The following BAZ2B variants were observed in gnomAD, a reference collection of about 807,000 sequenced individuals.
BAZ2B encodes the protein bromodomain adjacent to zinc finger domain 2B.
Under a neutral mutation model 246.0 loss-of-function variants are expected in BAZ2B, and 91 were observed. That is an observed-to-expected ratio of 0.37 (90% CI 0.31 to 0.44). The LOEUF (loss-of-function observed/expected upper bound fraction) is 0.44, where lower values mean the gene tolerates loss of function less well. Among genes scored for constraint, BAZ2B ranks in the 20% least tolerant of loss-of-function variants. The probability of loss-of-function intolerance (pLI) is 1.00; values close to 1 mark genes in which losing one functional copy is unlikely to be tolerated. For synonymous variants in BAZ2B, 855 were observed against 860.0 expected (o/e 0.99, Z 0.10); for missense variants, 2,332 against 2,533.7 (o/e 0.92, Z 1.71).
chr2:159,322,477 C>T (rs1429228349), intron 36 of BAZ2B, among the ~76,000 whole-genome samples: 1 of 152,168 alleles, frequency 6.6e-6, no homozygotes. Flanking sequence ...TTATCTATTC[C>T]AGATACTTCA....
chr2:159,694,977 ATTT>A, the BAZ2B span: 4 of 152,058 alleles, frequency 2.6e-5, no homozygotes, highest in African/African-American at 9.7e-5. Context: ...CCTCATCAAC[ATTT>A]TTTACTGTCT....
At chr2:159,630,021 C>A in the BAZ2B span, among the ~76,000 whole-genome samples, 1 of 151,966 alleles carries the variant, frequency 6.6e-6, no homozygotes, top group Non-Finnish European at 1.5e-5. Flanking sequence ...TTTAAAAAAA[C>A]ATGGTTACCT....
chr2:159,552,163 G>GT (rs2088355509), intron 2 of BAZ2B, among the ~76,000 whole-genome samples: 1 of 152,044 alleles, frequency 6.6e-6, no homozygotes, highest in African/African-American at 2.4e-5. Flanking sequence ...GTTCATTTTG[G>GT]TTTTTTAAGA....
intron 1 of BAZ2B, among the ~76,000 whole-genome samples, chr2:159,570,398 G>T (rs542606596): frequency 2.0e-4 from 30 of 152,176 alleles, no homozygotes; most frequent in Admixed American, 1.9e-3. Flanking sequence ...GGCCAGGCTG[G>T]TCTCAAACTC....
At chr2:159,483,618 A>C (rs1035874378) in intron 2 of BAZ2B, among the ~76,000 whole-genome samples, 6 of 152,064 alleles carry the variant, frequency 3.9e-5, no homozygotes, top group African/African-American at 1.4e-4. Flanking sequence ...CTCTACTAAA[A>C]ATACAAAAAT....
At chr2:159,642,198 AGATT>A in the BAZ2B span, among the ~76,000 whole-genome samples, 1 of 150,056 alleles carries the variant, frequency 6.7e-6, no homozygotes, top group Non-Finnish European at 1.5e-5. Context: ...TGTTTTCCAT[AGATT>A]GATTGTTTTC....
intron 2 of BAZ2B, among the ~76,000 whole-genome samples, chr2:159,509,205 TC>T (rs2082651576): frequency 6.6e-6 from 1 of 152,124 alleles, no homozygotes; most frequent in Non-Finnish European, 1.5e-5. Context: ...GGAAACACTT[TC>T]CAGTCAGATA....
chr2:159,587,809 T>C (rs7587700), intron 1 of BAZ2B, among the ~76,000 whole-genome samples: 83,949 of 152,026 alleles, frequency 0.55, 23,939 homozygotes, highest in East Asian at 0.75. Context: ...TCTCTGTAGT[T>C]CCAGCACCTA....
chr2:159,678,729 T>C, the BAZ2B span, among the ~76,000 whole-genome samples: 1 of 152,238 alleles, frequency 6.6e-6, no homozygotes, highest in South Asian at 2.1e-4. Flanking sequence ...TCTGTAAACA[T>C]AAAAACATAT....
intron 2 of BAZ2B, among the ~76,000 whole-genome samples, chr2:159,545,129 C>T (rs1263727678): frequency 2.6e-5 from 4 of 152,194 alleles, no homozygotes; most frequent in Non-Finnish European, 5.9e-5. Flanking sequence ...GGCACTGTAA[C>T]TTTAGGCAAT....
the BAZ2B span, among the ~76,000 whole-genome samples, chr2:159,703,179 T>C: frequency 6.6e-6 from 1 of 152,026 alleles, no homozygotes; most frequent in Non-Finnish European, 1.5e-5. Flanking sequence ...CTCTGCCTCC[T>C]GGATTCAAGC....
intron 2 of BAZ2B, among the ~76,000 whole-genome samples, chr2:159,537,777 C>T (rs1023789716): frequency 2.0e-5 from 3 of 152,130 alleles, no homozygotes; most frequent in African/African-American, 7.2e-5. Flanking sequence ...ATTCATTCTT[C>T]TCCTGTTTCT....
intron 1 of BAZ2B, among the ~76,000 whole-genome samples, chr2:159,584,826 C>T (rs934131865): frequency 8.5e-5 from 13 of 152,086 alleles, no homozygotes; most frequent in African/African-American, 7.2e-5. Flanking sequence ...TAGAACCATA[C>T]CCTTGGTATT....
intron 3 of BAZ2B, among the ~76,000 whole-genome samples, chr2:159,468,072 T>C (rs1287533567): frequency 6.6e-6 from 1 of 152,146 alleles, no homozygotes; most frequent in Non-Finnish European, 1.5e-5. Flanking sequence ...GCTGCAAGTA[T>C]ACTGTGCATG....
At chr2:159,641,697 C>A in the BAZ2B span, among the ~76,000 whole-genome samples, 1 of 152,080 alleles carries the variant, frequency 6.6e-6, no homozygotes. Flanking sequence ...TTGGGTTTTA[C>A]ATTTAATTCT....
chr2:159,348,618 GA>G (rs2058231508), intron 30 of BAZ2B, 59 bp downstream of exon 30: 1 of 1,522,500 alleles, frequency 6.6e-7, no homozygotes, highest in Non-Finnish European at 8.8e-7. Flanking sequence ...ATATGGTTTA[GA>G]ATAATTAATT....
At position 159,368,670 on chromosome 2, in the gene BAZ2B, A is replaced by G. The variant is rs142896982; in HGVS notation, c.4213+4375T>C. Among the ~76,000 whole-genome samples the G allele has an allele frequency of 1.1e-4, 17 of 152,298 alleles. No homozygotes were observed. The East Asian group carries it at 2.5e-3, about 22-fold the overall frequency. On this transcript the variant is annotated intron_variant, in intron 27 of 36. Coordinates refer to ENST00000392783, the MANE Select transcript of BAZ2B (RefSeq NM_013450.4). The stretch of plus-strand genomic sequence containing the variant: ...AGTATAAAGTACAACTGCTATTTAT[A>G]TATCACTTTGCAGTTGTTTTAGATC...
Position 159,373,117 on chromosome 2 carries a change from G to A in BAZ2B, c.4141C>T (p.Arg1381Cys), listed in dbSNP as rs1381457323. ...AGAATCCAGTACCGGCGTCTGTAAC[G>A]ATCTTGGCCAAACATCACTGAACGC... is the stretch of plus-strand genomic sequence containing the variant. ...SLRSVMFGQD[R>C]YRRRYWILPQ... The change falls in exon 27 of 37, where the codon CGT becomes TGT. Residue 1381 changes from arginine to cysteine, a missense_variant. Coordinates refer to ENST00000392783, the MANE Select transcript of BAZ2B (RefSeq NM_013450.4). 1 of 1,613,880 alleles carries A rather than the reference G, an allele frequency of 6.2e-7. No homozygotes were observed. Among genetic ancestry groups the A allele is most frequent in the African/African-American group, 1.3e-5 (1 of 74,908 alleles).
At chr2:159,348,941 T>C in intron 29 of BAZ2B, 66 bp downstream of exon 29, 1 of 1,573,376 alleles carries the variant, frequency 6.4e-7, no homozygotes, top group South Asian at 1.2e-5. Flanking sequence ...AAATATTCAG[T>C]TATAATACAG....
Sources: allele counts gnomAD v4.1 joint callset (sites outside exome capture counted in the v4.1 genomes callset), GRCh38; gene constraint gnomAD v4.1.1; transcripts MANE v1.5; gene names NCBI Gene and HGNC (gene_info 2026-07-23, HGNC 2026-07-21).